NUP188: variants seen among roughly 807,000 people sequenced by gnomAD.
NUP188 encodes the protein nucleoporin 188.
A neutral mutation model predicts 223.0 loss-of-function variants in NUP188; 97 were observed. The ratio of observed to expected loss-of-function variants is 0.43; its 90% CI spans 0.37 to 0.51. The LOEUF (loss-of-function observed/expected upper bound fraction) is 0.51, where lower values mean the gene tolerates loss of function less well. Ranked by LOEUF, NUP188 falls within the 20% of genes least tolerant of loss-of-function variation. The pLI, the probability that NUP188 is intolerant of heterozygous loss-of-function variation, is 0.00. For synonymous variants in NUP188, 869 were observed against 828.0 expected (o/e 1.05, Z -0.85); for missense variants, 1,947 against 2,175.6 (o/e 0.89, Z 2.09).
chr9:128,987,635 A>G lies in NUP188; in HGVS notation c.2311A>G (p.Thr771Ala), dbSNP rs1466226244. 12 of 1,613,942 alleles carry G rather than the reference A, an allele frequency of 7.4e-6. No individual in the cohort carries two copies. The South Asian group carries it at 1.3e-4, about 18-fold the overall frequency. The change falls in exon 23 of 44, where the codon ACA (threonine) becomes GCA (alanine). Residue 771 changes from threonine (T) to alanine (A), a missense_variant. This residue lies in a region of NUP188 where 225 missense variants were observed against 319.1 expected (regional missense o/e 0.71). Transcript: ENST00000372577. ...QFLCICSLAY[T>A]EAGQTVINIM... is the part of the protein sequence containing the mutation. Reference sequence around the variant, plus strand: ...TCTCTGCATCTGCAGCCTGGCATACACAGAAGCAGGACAGACAGTTATCAA... The same window carrying G: ...TCTCTGCATCTGCAGCCTGGCATACGCAGAAGCAGGACAGACAGTTATCAA...
intron 8 of NUP188, among the ~76,000 whole-genome samples, chr9:128,962,656 T>C (rs967440041): frequency 6.6e-6 from 1 of 151,908 alleles, no homozygotes; most frequent in Non-Finnish European, 1.5e-5. Flanking sequence ...CGAGACTCTG[T>C]CTCAAAAAAA....
intron 25 of NUP188, among the ~76,000 whole-genome samples, chr9:128,991,384 C>A (rs1842427736): frequency 2.0e-5 from 3 of 151,494 alleles, no homozygotes. Flanking sequence ...CTAAAAATAC[C>A]AAAATTAGCT....
intron 24 of NUP188, 32 bp downstream of exon 24, chr9:128,988,218 A>G: frequency 6.2e-7 from 1 of 1,610,872 alleles, no homozygotes; most frequent in Non-Finnish European, 8.5e-7. Flanking sequence ...ACAACATGGT[A>G]TGTATTTCTC....
At chr9:128,972,699 G>A (rs1482849165) in intron 11 of NUP188, among the ~76,000 whole-genome samples, 2 of 152,144 alleles carry the variant, frequency 1.3e-5, no homozygotes, top group African/African-American at 4.8e-5. Flanking sequence ...GGATATATGG[G>A]AAATCTTTGT....
At chr9:129,006,216 CA>C (rs1842797402) in intron 42 of NUP188, 22 bp from the exon 43 acceptor site, 1 of 1,614,118 alleles carries the variant, frequency 6.2e-7, no homozygotes. Context: ...GCAGCAGTAC[CA>C]AAAACCTGTG....
At chr9:128,977,795 T>C (rs904351911) in intron 12 of NUP188, among the ~76,000 whole-genome samples, 3 of 151,958 alleles carry the variant, frequency 2.0e-5, no homozygotes, top group Non-Finnish European at 2.9e-5. Context: ...CGAAACTTCA[T>C]CTAAAAAAAA....
In NUP188 at chr9:128,981,307, A is replaced by G; in HGVS notation, c.1433A>G (p.Tyr478Cys). Residue 478 changes from tyrosine (Y) to cysteine (C), a missense_variant, in exon 15 of 44, where the codon TAT becomes TGT. This residue lies in a region of NUP188 where 817 missense variants were observed against 865.8 expected (regional missense o/e 0.94). Coordinates refer to ENST00000372577, the MANE Select transcript of NUP188 (RefSeq NM_015354.3). ...LDKMSFYNEL[Y>C]KHKPHDVISH... ...AAGATGTCTTTCTACAATGAACTTT[A>G]TAAACACAAGCCTCATGATGTGATC... is the stretch of plus-strand genomic sequence containing the variant. 1 of 1,614,078 alleles carries G rather than the reference A, an allele frequency of 6.2e-7. No homozygotes were observed. Among genetic ancestry groups the G allele is most frequent in the Non-Finnish European group, 8.5e-7 (1 of 1,179,936 alleles).
chr9:128,971,276 A>AT (rs1258625627), intron 11 of NUP188, among the ~76,000 whole-genome samples: 7 of 152,184 alleles, frequency 4.6e-5, no homozygotes, highest in African/African-American at 1.4e-4. Flanking sequence ...CCAGTAAAGT[A>AT]TGTCTTAAGA....
At chr9:128,994,056 T>C (rs894249194) in intron 27 of NUP188, among the ~76,000 whole-genome samples, 4 of 152,152 alleles carry the variant, frequency 2.6e-5, no homozygotes, top group African/African-American at 9.7e-5. Context: ...GGAAGGAGTG[T>C]TAAAAGGCTA....
intron 14 of NUP188, 119 bp from the exon 15 acceptor site, chr9:128,981,145 G>C: frequency 8.0e-7 from 1 of 1,249,140 alleles, no homozygotes; most frequent in Admixed American, 2.2e-5. Flanking sequence ...GCAGTTCCAA[G>C]AACAGTCACA....
At chr9:128,956,212 CGTGT>C (rs1206523866) in intron 3 of NUP188, 134 bp from the exon 4 acceptor site, 4 of 348,282 alleles carry the variant, frequency 1.1e-5, no homozygotes, top group East Asian at 6.5e-5. Flanking sequence ...TGTGTGTGTG[CGTGT>C]GTGTGTTTGT....
Position 128,987,733 on chromosome 9 carries a change from CACG to C in NUP188, c.2393+17_2393+19del, listed in dbSNP as rs1564561650. 1 of 1,609,352 alleles carries C rather than the reference CACG, an allele frequency of 6.2e-7. No homozygotes were observed. The highest frequency in any genetic ancestry group is 2.2e-5 in the East Asian group (1 of 44,874). On this transcript the variant is annotated intron_variant, in intron 23 of 43. Coordinates refer to ENST00000372577, the MANE Select transcript of NUP188 (RefSeq NM_015354.3). ...AGCCTCGAAGGTAGGGCTCCTTCTC[CACG>C]TTCCCTTTGTCTGTCTTTATTGTGC...
chr9:128,951,256 G>A (rs567511753), intron 2 of NUP188, among the ~76,000 whole-genome samples: 5 of 149,204 alleles, frequency 3.4e-5, no homozygotes, highest in Non-Finnish European at 5.9e-5. Context: ...GCAGTGAGTC[G>A]AGATCGCGCA....
At chr9:128,961,582 C>A (rs1021149527) in intron 8 of NUP188, among the ~76,000 whole-genome samples, 10 of 129,264 alleles carry the variant, frequency 7.7e-5, no homozygotes, top group African/African-American at 4.2e-4. Flanking sequence ...CTATATCTAT[C>A]TATCTATCTA....
At chr9:128,987,551 G>A (rs778755200) in intron 22 of NUP188, 38 bp from the exon 23 acceptor site, 9 of 1,592,892 alleles carry the variant, frequency 5.7e-6, no homozygotes, top group South Asian at 1.2e-5. Flanking sequence ...GATACACTGA[G>A]TGGCTCCCTG....
intron 12 of NUP188, among the ~76,000 whole-genome samples, chr9:128,978,556 CAAAAAAAAAAAAA>C (rs57813508): frequency 4.4e-5 from 3 of 67,640 alleles, no homozygotes; most frequent in Admixed American, 1.6e-4. Flanking sequence ...GAGTGAGACT[CAAAAAAAAAAAAA>C]AAAAAAAAAA....
intron 36 of NUP188, 23 bp from the exon 37 acceptor site, chr9:129,002,794 C>T: frequency 1.2e-6 from 2 of 1,610,414 alleles, no homozygotes; most frequent in African/African-American, 1.3e-5. Flanking sequence ...GGTTCCTGAG[C>T]TTGTCTGCTG....
rs761250786 is a variant in NUP188, at chr9:129,005,407, C to T, written c.4614C>T (p.Asp1538=). 9 of 1,611,560 alleles carry T rather than the reference C, an allele frequency of 5.6e-6. No individual in the cohort carries two copies. Among genetic ancestry groups the T allele is most frequent in the Non-Finnish European group, 1.7e-6 (2 of 1,180,014 alleles). ...APSSSKQPAA[D]TEASEQQALH... is the part of the protein sequence containing the mutation. ...CCTCCTCAAAGCAGCCCGCTGCTGA[C>T]ACAGAGGCATCAGAGCAGCAGGCCT... is the stretch of plus-strand genomic sequence containing the variant. The change falls in exon 40 of 44, where the codon GAC becomes GAT. Residue 1538 remains aspartate (D), a synonymous_variant. Transcript: ENST00000372577.
At position 129,005,504 on chromosome 9, in the gene NUP188, G is replaced by C. The variant is rs1289137149; in HGVS notation, c.4711G>C (p.Asp1571His). ...TLAALRHFTPDVCQILLDQSL... is the reference protein window; with the variant it reads ...TLAALRHFTPHVCQILLDQSL... ...GGCAGCCCTGCGCCACTTCACCCCA[G>C]ATGTCTGCCAGATTCTGCTGGATCA... Residue 1571 changes from aspartate to histidine, a missense_variant, in exon 40 of 44, where the codon GAT (aspartate) becomes CAT (histidine). Physicochemically the swap from Asp to His is moderately conservative, Grantham distance 81. Around this residue, in one of 3 missense-constraint regions of NUP188, gnomAD observed 905 missense variants for 990.6 expected, o/e 0.91. Transcript: ENST00000372577. The C allele has an allele frequency of 5.6e-6, 9 of 1,606,426 alleles. No individual in the cohort carries two copies. The highest frequency in any genetic ancestry group is 6.8e-6 in the Non-Finnish European group (8 of 1,179,992).
Sources: gnomAD v4.1 joint callset for allele counts (sites outside exome capture counted in the v4.1 genomes callset) on GRCh38, gnomAD v4.1.1 for gene constraint, gnomAD v4.1.1 regional missense constraint, MANE v1.5 for transcripts, NCBI Gene and HGNC (gene_info 2026-07-23, HGNC 2026-07-21) for gene names.